The following KANK1 variants were observed in gnomAD, a reference collection of about 807,000 sequenced individuals.
KANK1 encodes the protein KN motif and ankyrin repeat domains 1, also known as KN motif and ankyrin repeat domain-containing protein 1.
KANK1 carries 109 observed loss-of-function variants against 106.2 expected under a neutral mutation model. The observed-to-expected ratio is 1.03, with a 90% CI of 0.88 to 1.20. The LOEUF (loss-of-function observed/expected upper bound fraction) is 1.20. Ranked by LOEUF, KANK1 falls within the 50% of genes most tolerant of loss-of-function variation. The pLI, the probability that KANK1 is intolerant of heterozygous loss-of-function variation, is 0.00. For missense variants in KANK1, 2,399 were observed against 1,710.7 expected (o/e 1.40, Z -7.10); for synonymous variants, 873 against 652.2 (o/e 1.34, Z -5.16).
chr9:712,265 A>T lies in KANK1; in HGVS notation c.1499A>T (p.Lys500Met). ...QELQAAGSRKKVDKATMAQPL... is the reference protein window; with the variant it reads ...QELQAAGSRKMVDKATMAQPL... Reference sequence around the variant, plus strand: ...CTGCAGGCTGCTGGATCGAGGAAAAAGGTTGACAAAGCCACGATGGCCCAG... The same window carrying T: ...CTGCAGGCTGCTGGATCGAGGAAAATGGTTGACAAAGCCACGATGGCCCAG... Residue 500 changes from lysine (K) to methionine (M), a missense_variant, in exon 3 of 12, where the codon AAG (lysine) becomes ATG (methionine). Coordinates refer to ENST00000382297, the MANE Select transcript of KANK1 (RefSeq NM_015158.5). 2 of 1,614,156 alleles carry T rather than the reference A, an allele frequency of 1.2e-6. No homozygotes were observed. Among genetic ancestry groups the T allele is most frequent in the Non-Finnish European group, 1.7e-6 (2 of 1,180,006 alleles).
chr9:530,268 A>G (rs1300228468), intron 1 of KANK1, among the ~76,000 whole-genome samples: 1 of 152,322 alleles, frequency 6.6e-6, no homozygotes, highest in East Asian at 1.9e-4. Flanking sequence ...CTTTGGATTT[A>G]ATATCATGAA....
intron 1 of KANK1, among the ~76,000 whole-genome samples, chr9:659,390 G>T (rs911006102): frequency 6.6e-6 from 1 of 152,086 alleles, no homozygotes; most frequent in Admixed American, 6.6e-5. Context: ...CAGATTGCAG[G>T]GCCCCAAACC....
intron 1 of KANK1, among the ~76,000 whole-genome samples, chr9:544,099 C>T (rs894195207): frequency 4.6e-5 from 7 of 152,106 alleles, no homozygotes; most frequent in Non-Finnish European, 1.0e-4. Context: ...TGGCTCACTG[C>T]AACCTCCATC....
intron 7 of KANK1, among the ~76,000 whole-genome samples, chr9:737,717 G>A (rs10758856): frequency 0.29 from 44,057 of 152,060 alleles, 7,105 homozygotes; most frequent in Non-Finnish European, 0.38. Flanking sequence ...ATACACGTAC[G>A]GTCTCCCAAC....
chr9:563,804 T>C (rs1817112063), intron 1 of KANK1, among the ~76,000 whole-genome samples: 1 of 152,170 alleles, frequency 6.6e-6, no homozygotes, highest in African/African-American at 2.4e-5. Flanking sequence ...TCAGCCCGGA[T>C]AGTTTATTTG....
At chr9:717,762 C>T (rs866303081) in intron 3 of KANK1, among the ~76,000 whole-genome samples, 7 of 151,842 alleles carry the variant, frequency 4.6e-5, no homozygotes, top group African/African-American at 9.7e-5. Flanking sequence ...TTTTTAATTA[C>T]TATTTTCTTC....
At chr9:583,323 A>G (rs1398630388) in intron 1 of KANK1, among the ~76,000 whole-genome samples, 1 of 152,212 alleles carries the variant, frequency 6.6e-6, no homozygotes, top group East Asian at 1.9e-4. Flanking sequence ...TAGGTTCATC[A>G]TAAGGACTGA....
At chr9:542,081 T>G (rs910632936) in intron 1 of KANK1, among the ~76,000 whole-genome samples, 12 of 150,226 alleles carry the variant, frequency 8.0e-5, no homozygotes, top group Middle Eastern at 3.4e-3. Context: ...AGAGCGAGAC[T>G]CCGTCTCAAA....
intron 1 of KANK1, among the ~76,000 whole-genome samples, chr9:537,556 A>G (rs2060365988): frequency 6.6e-6 from 1 of 152,060 alleles, no homozygotes; most frequent in Non-Finnish European, 1.5e-5. Flanking sequence ...ATTGATTCAT[A>G]TGTTGAAAAA....
At chr9:688,928 C>T (rs1039034604) in intron 2 of KANK1, among the ~76,000 whole-genome samples, 9 of 152,220 alleles carry the variant, frequency 5.9e-5, no homozygotes, top group African/African-American at 1.2e-4. Context: ...TGCTTTCCTT[C>T]TTTCCCACTG....
At chr9:721,070 A>G (rs1246332579) in intron 3 of KANK1, among the ~76,000 whole-genome samples, 1 of 152,208 alleles carries the variant, frequency 6.6e-6, no homozygotes, top group Non-Finnish European at 1.5e-5. Context: ...TGATGCCTGC[A>G]ATTGGAGACA....
intron 1 of KANK1, among the ~76,000 whole-genome samples, chr9:600,930 A>C (rs1338281728): frequency 6.6e-6 from 1 of 151,714 alleles, no homozygotes; most frequent in Non-Finnish European, 1.5e-5. Flanking sequence ...ATTTTTCAGG[A>C]GGGTCACTGT....
At chr9:727,824 C>T (rs918672230) in intron 3 of KANK1, among the ~76,000 whole-genome samples, 1 of 151,952 alleles carries the variant, frequency 6.6e-6, no homozygotes, top group Non-Finnish European at 1.5e-5. Flanking sequence ...CCACATCACC[C>T]ACATTGAAAA....
chr9:505,308 G>C (rs949806354), intron 1 of KANK1, among the ~76,000 whole-genome samples: 1 of 152,148 alleles, frequency 6.6e-6, no homozygotes, highest in Admixed American at 6.5e-5. Context: ...GTCGCCCTCC[G>C]CCAACTCCGA....
At chr9:583,074 C>G (rs933592308) in intron 1 of KANK1, among the ~76,000 whole-genome samples, 11 of 152,102 alleles carry the variant, frequency 7.2e-5, no homozygotes, top group Non-Finnish European at 1.2e-4. Flanking sequence ...ACTTAAAAGA[C>G]TGGTTGGTGC....
chr9:619,702 C>G (rs1832685719), intron 1 of KANK1, among the ~76,000 whole-genome samples: 1 of 152,126 alleles, frequency 6.6e-6, no homozygotes, highest in African/African-American at 2.4e-5. Context: ...CTGTAATTTT[C>G]AAGGATTTAA....
chr9:476,563 CAAAAG>C (rs906786203), intron 3 of KANK1: 3 of 152,002 alleles, frequency 2.0e-5, no homozygotes, highest in African/African-American at 7.2e-5. Context: ...GATTCCCATC[CAAAAG>C]AAAAGGGGAA....
At chr9:578,339 G>A (rs915331947) in intron 1 of KANK1, among the ~76,000 whole-genome samples, 3 of 151,994 alleles carry the variant, frequency 2.0e-5, no homozygotes, top group Non-Finnish European at 4.4e-5. Context: ...CTGTGTGTGT[G>A]TGTGTGTGTG....
intron 2 of KANK1, among the ~76,000 whole-genome samples, chr9:694,904 G>T (rs943200881): frequency 1.3e-5 from 2 of 152,082 alleles, no homozygotes; most frequent in African/African-American, 4.8e-5. Flanking sequence ...AGCTCATCTG[G>T]TCTGACACCT....
Sources: allele counts gnomAD v4.1 joint callset (sites outside exome capture counted in the v4.1 genomes callset), GRCh38; gene constraint gnomAD v4.1.1; transcripts MANE v1.5; gene names NCBI Gene and HGNC (gene_info 2026-07-23, HGNC 2026-07-21).